Variants in NCOA6 observed in about 807,000 individuals in gnomAD.
NCOA6 encodes the protein nuclear receptor coactivator 6.
A neutral mutation model predicts 171.4 loss-of-function variants in NCOA6; 49 were observed. The observed-to-expected ratio is 0.29, with a 90% CI of 0.23 to 0.36. The LOEUF is 0.36. Ranked by LOEUF, NCOA6 falls within the 10% of genes least tolerant of loss-of-function variation. The pLI is 1.00. For missense variants in NCOA6, 2,248 were observed against 2,554.5 expected (o/e 0.88, Z 2.59); for synonymous variants, 910 against 927.5 (o/e 0.98, Z 0.34).
chr20:34,757,604 G>A lies in NCOA6; in HGVS notation c.1144C>T (p.Gln382Ter). The A allele has an allele frequency of 6.2e-7, 1 of 1,613,908 alleles. No individual in the cohort carries two copies. Among genetic ancestry groups the A allele is most frequent in the Non-Finnish European group, 8.5e-7 (1 of 1,179,892 alleles). Residue 382 changes from glutamine (Q) to a stop codon, truncating the protein, a stop_gained, in exon 7 of 15, where the codon CAA (glutamine) becomes TAA (stop). Coordinates refer to ENST00000359003, the MANE Select transcript of NCOA6 (RefSeq NM_014071.5). LOFTEE classifies it high-confidence loss of function. ...PPPPYPFGSQQASQAHTNFPQ... is the reference protein window; with the variant it reads ...PPPPYPFGSQ ...AAGTTTGTGTGGGCTTGTGAGGCTT[G>A]CTGGCTGCCAAAGGGATATGGAGGG...
chr20:34,824,935 G>A (rs1211116942), intron 1 of NCOA6, among the ~76,000 whole-genome samples: 1 of 152,006 alleles, frequency 6.6e-6, no homozygotes, highest in African/African-American at 2.4e-5. Flanking sequence ...GACAGCCTGA[G>A]CTTGGCCCCC....
chr20:34,820,983 T>C (rs888320707), intron 1 of NCOA6: 7 of 152,164 alleles, frequency 4.6e-5, no homozygotes, highest in South Asian at 2.1e-4. Flanking sequence ...TCCAGAACAA[T>C]AGACCTTGCC....
At position 34,741,876 on chromosome 20, in the gene NCOA6, C is replaced by G. The variant is rs776420972; in HGVS notation, c.4380G>C (p.Lys1460Asn). The change falls in exon 11 of 15, where the codon AAG becomes AAC. Residue 1460 changes from lysine to asparagine, a missense_variant. By Grantham distance (94) the Lys-to-Asn change is moderately conservative (BLOSUM62 0). Around this residue, in one of 7 missense-constraint regions of NCOA6, gnomAD observed 884 missense variants for 941.9 expected, o/e 0.94. Coordinates refer to ENST00000359003, the MANE Select transcript of NCOA6 (RefSeq NM_014071.5). The part of the protein sequence containing the change: ...KMVVPEDQSK[K>N]DGQPSDPNKL... ...TGTTAGGATCCGAAGGCTGCCCATC[C>G]TTTTTGGACTGATCTTCAGGGACAA... 6.2e-7 allele frequency: 1 copy of G among 1,614,192 alleles called. No homozygotes were observed.
chr20:34,797,231 A>C (rs1479215046), intron 1 of NCOA6, among the ~76,000 whole-genome samples: 5 of 152,110 alleles, frequency 3.3e-5, no homozygotes, highest in African/African-American at 1.2e-4. Flanking sequence ...CCTCTGCTTG[A>C]GGAGAGGAGA....
At chr20:34,806,117 G>A (rs2078442531) in intron 1 of NCOA6, among the ~76,000 whole-genome samples, 1 of 152,172 alleles carries the variant, frequency 6.6e-6, no homozygotes. Flanking sequence ...TTTAACTGGG[G>A]TGAAATAATA....
chr20:34,758,186 T>C, intron 6 of NCOA6, 82 bp from the exon 7 acceptor site: 1 of 1,506,378 alleles, frequency 6.6e-7, no homozygotes, highest in Non-Finnish European at 8.8e-7. Context: ...ATTCTGGATA[T>C]ACAGAGCAAA....
chr20:34,739,508 A>T (rs184135772), intron 11 of NCOA6, among the ~76,000 whole-genome samples: 10 of 152,306 alleles, frequency 6.6e-5, no homozygotes, highest in African/African-American at 2.4e-4. Context: ...AGTAGCCCAG[A>T]CAAAAAAAGA....
chr20:34,743,571 G>A (rs1194189371), intron 10 of NCOA6, among the ~76,000 whole-genome samples: 1 of 152,114 alleles, frequency 6.6e-6, no homozygotes, highest in African/African-American at 2.4e-5. Context: ...GGAGCTCCTC[G>A]GTGTGTAGGA....
chr20:34,790,439 C>G lies in NCOA6; in HGVS notation c.-50+2011G>C, dbSNP rs189963261. Reference sequence around the variant, plus strand: ...GTGTGACCTCGGCTCACTGTAAGCTCCGCCTCCCAGGTTCATGCCATTCTC... The same window carrying G: ...GTGTGACCTCGGCTCACTGTAAGCTGCGCCTCCCAGGTTCATGCCATTCTC... On this transcript the variant is annotated intron_variant, in intron 2 of 14. Transcript: ENST00000359003. Among the ~76,000 whole-genome samples, 839 of 152,208 alleles carry G rather than the reference C, an allele frequency of 5.5e-3. 39 individuals carry two copies. The highest frequency in any genetic ancestry group is 0.047 in the Admixed American group (722 of 15,276).
In NCOA6 at chr20:34,750,472, C is replaced by T. The variant is rs558366125; in HGVS notation, c.1723G>A (p.Gly575Arg). Residue 575 changes from glycine to arginine, a missense_variant, in exon 9 of 15, where the codon GGG becomes AGG. Gly to Arg is a moderately radical substitution (Grantham distance 125). Around this residue, in one of 7 missense-constraint regions of NCOA6, gnomAD observed 987 missense variants for 1,104.7 expected, o/e 0.89. Transcript: ENST00000359003. Reference sequence around the variant, plus strand: ...CTGGGCTGCATCATATTTGGCGGCCCGTGGGACACCTGCATCTGGTTTTGA... The same window carrying T: ...CTGGGCTGCATCATATTTGGCGGCCTGTGGGACACCTGCATCTGGTTTTGA... ...PPQNQMQVSH[G>R]PPNMMQPSLM... 9.3e-6 allele frequency: 15 copies of T among 1,612,736 alleles called. No homozygotes were observed. The highest frequency in any genetic ancestry group is 6.6e-5 in the South Asian group (6 of 90,978).
At chr20:34,743,390 A>G in intron 10 of NCOA6, 49 bp from the exon 11 acceptor site, 1 of 1,545,204 alleles carries the variant, frequency 6.5e-7, no homozygotes, top group Non-Finnish European at 8.7e-7. Context: ...CAGCAAGAAA[A>G]TGTTGCTACC....
At chr20:34,753,231 G>C (rs2076545033) in intron 8 of NCOA6, among the ~76,000 whole-genome samples, 1 of 151,054 alleles carries the variant, frequency 6.6e-6, no homozygotes, top group Admixed American at 6.6e-5. Flanking sequence ...ATTTTTAGTA[G>C]AGACAGGGTT....
chr20:34,810,351 T>C (rs1157533498), intron 1 of NCOA6, among the ~76,000 whole-genome samples: 1 of 152,190 alleles, frequency 6.6e-6, no homozygotes, highest in Admixed American at 6.5e-5. Context: ...TTGATATTAT[T>C]ATACTTTTTA....
At position 34,741,737 on chromosome 20, in the gene NCOA6, G is replaced by A; in HGVS notation, c.4519C>T (p.Pro1507Ser). The A allele has an allele frequency of 1.9e-6, 3 of 1,614,154 alleles. No homozygotes were observed. The highest frequency in any genetic ancestry group is 2.5e-6 in the Non-Finnish European group (3 of 1,180,028). ...ACTTCCAGATCTGTAAGCCCAGGGG[G>A]TTTAATTGTCACATTGGGAGCTCCA... The part of the protein sequence containing the change: ...NSGAPNVTIK[P>S]PGLTDLEVTP... The change falls in exon 11 of 15, where the codon CCC becomes TCC. Residue 1507 changes from proline (P) to serine (S), a missense_variant. Pro to Ser is a moderately conservative substitution (Grantham distance 74). Transcript: ENST00000359003.
At chr20:34,759,584 C>T (rs1018463158) in intron 5 of NCOA6, among the ~76,000 whole-genome samples, 1 of 152,100 alleles carries the variant, frequency 6.6e-6, no homozygotes, top group South Asian at 2.1e-4. Context: ...ATAAATGGCA[C>T]CTTACTATAT....
At chr20:34,786,896 A>G (rs2077699639) in intron 2 of NCOA6, among the ~76,000 whole-genome samples, 1 of 152,186 alleles carries the variant, frequency 6.6e-6, no homozygotes, top group Non-Finnish European at 1.5e-5. Context: ...AGGCAATACC[A>G]TTCAGGACAT....
At chr20:34,786,721 A>G (rs904551421) in intron 2 of NCOA6, among the ~76,000 whole-genome samples, 1 of 152,252 alleles carries the variant, frequency 6.6e-6, no homozygotes. Context: ...TGTTATGACT[A>G]AATAGGATTC....
At chr20:34,805,059 A>G (rs6120736) in intron 1 of NCOA6, among the ~76,000 whole-genome samples, 76,799 of 143,080 alleles carry the variant, frequency 0.54, 20,217 homozygotes, top group South Asian at 0.67. Context: ...TTTTTTTTTT[A>G]AGACAGTCTC....
At chr20:34,725,689 G>C (rs1208977390) in intron 14 of NCOA6, among the ~76,000 whole-genome samples, 1 of 152,162 alleles carries the variant, frequency 6.6e-6, no homozygotes, top group Non-Finnish European at 1.5e-5. Context: ...TTTTTGTGAC[G>C]AGTTTGATAT....
Sources: allele counts gnomAD v4.1 joint callset (sites outside exome capture counted in the v4.1 genomes callset), GRCh38; gene constraint gnomAD v4.1.1; regional missense constraint gnomAD v4.1.1; transcripts MANE v1.5; gene names NCBI Gene and HGNC (gene_info 2026-07-23, HGNC 2026-07-21).